The following XPO7 variants were observed in gnomAD, a reference collection of about 807,000 sequenced individuals.
XPO7 encodes exportin 7.
A neutral mutation model predicts 144.3 loss-of-function variants in XPO7; 21 were observed. The observed-to-expected ratio is 0.15, with a 90% CI of 0.10 to 0.21. The LOEUF (loss-of-function observed/expected upper bound fraction) is 0.21. XPO7 is among the 10% of genes least tolerant of loss of function. The pLI is 1.00. For missense variants in XPO7, 808 were observed against 1,325.8 expected (o/e 0.61, Z 6.06); for synonymous variants, 580 against 499.6 (o/e 1.16, Z -2.15).
chr8:21,981,772 A>T lies in XPO7; in HGVS notation c.999A>T (p.Leu333=), dbSNP rs747077128. The change falls in exon 10 of 28, where the codon CTA becomes CTT. Residue 333 remains leucine (L), a synonymous_variant. Transcript: ENST00000252512. Reference sequence around the variant, plus strand: ...ACAATTACCATGAGTTTTGCAGACTACTGGCCCGATTGAAGAGTAACTATC... The same window carrying T: ...ACAATTACCATGAGTTTTGCAGACTTCTGGCCCGATTGAAGAGTAACTATC... The part of the protein sequence containing the change: ...DPNNYHEFCR[L]LARLKSNYQL... 2.5e-6 allele frequency: 4 copies of T among 1,613,966 alleles called. No homozygotes were observed. Among genetic ancestry groups the T allele is most frequent in the Non-Finnish European group, 1.7e-6 (2 of 1,179,872 alleles).
At chr8:21,989,843 T>A (rs1585474196) in intron 16 of XPO7, among the ~76,000 whole-genome samples, 1 of 54,884 alleles carries the variant, frequency 1.8e-5, no homozygotes, top group Non-Finnish European at 3.2e-5. Flanking sequence ...TTTTTTTTTT[T>A]TTTTTTTTTT....
At chr8:21,977,559 T>C (rs1812266298) in intron 7 of XPO7, among the ~76,000 whole-genome samples, 1 of 152,142 alleles carries the variant, frequency 6.6e-6, no homozygotes, top group Non-Finnish European at 1.5e-5. Flanking sequence ...CACTCCAGCC[T>C]GGGCTACAGA....
rs1398516250 is a variant in XPO7, at chr8:21,999,682, C to G, written c.2782+8C>G. The G allele has an allele frequency of 6.2e-7, 1 of 1,613,912 alleles. No individual in the cohort carries two copies. Among genetic ancestry groups the G allele is most frequent in the South Asian group, 1.1e-5 (1 of 91,080 alleles). ...AAGGACTTACTGCACTTGGTAAGCA[C>G]CTGAGGTGGGTGGGTGAGTTGGTGG... On this transcript the variant is annotated splice_region_variant and intron_variant, in intron 24 of 27. Coordinates refer to ENST00000252512, the MANE Select transcript of XPO7 (RefSeq NM_015024.5).
At chr8:21,952,016 C>T (rs561948941) in intron 1 of XPO7, among the ~76,000 whole-genome samples, 25 of 152,238 alleles carry the variant, frequency 1.6e-4, no homozygotes, top group Non-Finnish European at 3.1e-4. Context: ...AAAAATGTGG[C>T]GTTAATGACC....
Position 21,970,316 on chromosome 8 carries a change from G to C in XPO7, c.426+6G>C. On this transcript the variant is annotated splice_donor_region_variant and intron_variant, in intron 4 of 27. Transcript: ENST00000252512. ...ACGTCACAAGGTTTTTACAGGTACA[G>C]TGTATATATTTGATGTAATGGGAAT... is the stretch of plus-strand genomic sequence containing the variant. 1 of 1,612,142 alleles carries C rather than the reference G, an allele frequency of 6.2e-7. No homozygotes were observed. Among genetic ancestry groups the C allele is most frequent in the Non-Finnish European group, 8.5e-7 (1 of 1,179,198 alleles).
intron 21 of XPO7, among the ~76,000 whole-genome samples, chr8:21,996,212 G>A (rs975164700): frequency 4.8e-4 from 73 of 152,272 alleles, no homozygotes; most frequent in Non-Finnish European, 3.1e-4. Context: ...TTGCGTGAAT[G>A]CAGTAGTTCT....
intron 15 of XPO7, 66 bp from the exon 16 acceptor site, chr8:21,988,937 C>A: frequency 6.8e-7 from 1 of 1,476,616 alleles, no homozygotes. Flanking sequence ...TCTTCTTCTC[C>A]CAGCCCTCAA....
intron 1 of XPO7, among the ~76,000 whole-genome samples, chr8:21,945,485 T>A (rs761034893): frequency 1.3e-5 from 2 of 152,202 alleles, no homozygotes; most frequent in Non-Finnish European, 2.9e-5. Context: ...AAAAACTACA[T>A]AGGTGTAAAA....
chr8:21,937,371 GTT>G (rs1810855287), intron 1 of XPO7, among the ~76,000 whole-genome samples: 1 of 152,132 alleles, frequency 6.6e-6, no homozygotes, highest in African/African-American at 2.4e-5. Context: ...TACGGTAATA[GTT>G]ACCAAGAAGA....
intron 20 of XPO7, among the ~76,000 whole-genome samples, 171 bp from the exon 21 acceptor site, chr8:21,995,321 C>G (rs943848703): frequency 5.9e-5 from 9 of 152,142 alleles, no homozygotes; most frequent in African/African-American, 2.2e-4. Flanking sequence ...TTAAAGAACA[C>G]AAAATCACTT....
chr8:21,970,725 A>G (rs183434584), intron 4 of XPO7, among the ~76,000 whole-genome samples: 20 of 152,350 alleles, frequency 1.3e-4, no homozygotes. Flanking sequence ...AAAGTTATAC[A>G]GCTTGCACTT....
intron 1 of XPO7, among the ~76,000 whole-genome samples, chr8:21,962,758 A>G (rs1292605385): frequency 1.3e-5 from 2 of 152,232 alleles, no homozygotes; most frequent in East Asian, 1.9e-4. Context: ...AATATACTCA[A>G]CATACTGTTT....
intron 1 of XPO7, among the ~76,000 whole-genome samples, chr8:21,951,382 T>TA (rs1811368728): frequency 6.6e-6 from 1 of 152,176 alleles, no homozygotes; most frequent in African/African-American, 2.4e-5. Context: ...CTGTTTTTTT[T>TA]ATAGTATTTA....
intron 8 of XPO7, among the ~76,000 whole-genome samples, chr8:21,979,062 TTGTG>T (rs1253115858): frequency 6.6e-6 from 1 of 152,040 alleles, no homozygotes; most frequent in African/African-American, 2.4e-5. Flanking sequence ...TAAAGCTGGG[TTGTG>T]TTTTTTTGTT....
intron 5 of XPO7, 41 bp from the exon 6 acceptor site, chr8:21,974,629 G>T: frequency 7.0e-7 from 1 of 1,432,056 alleles, no homozygotes; most frequent in Non-Finnish European, 9.4e-7. Flanking sequence ...TTCTTTTTTT[G>T]CAATTAATTC....
At position 21,999,112 on chromosome 8, in the gene XPO7, G is replaced by T; in HGVS notation, c.2450G>T (p.Gly817Val). 1 of 1,613,976 alleles carries T rather than the reference G, an allele frequency of 6.2e-7. No individual in the cohort carries two copies. Among genetic ancestry groups the T allele is most frequent in the Non-Finnish European group, 8.5e-7 (1 of 1,179,880 alleles). Residue 817 changes from glycine (G) to valine (V), a missense_variant, in exon 23 of 28, where the codon GGA becomes GTA. Physicochemically the swap from Gly to Val is moderately radical, Grantham distance 109. Around this residue, in one of 5 missense-constraint regions of XPO7, gnomAD observed 416 missense variants for 612.5 expected, o/e 0.68. Coordinates refer to ENST00000252512, the MANE Select transcript of XPO7 (RefSeq NM_015024.5). ...TCAGGCAATCGCATCCTGACACTAG[G>T]AGAGGTCCCAAAGGATCAGGTCTAT... is the stretch of plus-strand genomic sequence containing the variant. ...TMYGNRILTLGEVPKDQVYAL... is the reference protein window; with the variant it reads ...TMYGNRILTLVEVPKDQVYAL...
At chr8:21,942,005 A>G (rs901704651) in intron 1 of XPO7, among the ~76,000 whole-genome samples, 2 of 152,232 alleles carry the variant, frequency 1.3e-5, no homozygotes, top group Non-Finnish European at 2.9e-5. Flanking sequence ...TGATTCCTAT[A>G]AAAGTCGGTA....
chr8:21,995,388 A>G, intron 20 of XPO7, 104 bp from the exon 21 acceptor site: 1 of 869,318 alleles, frequency 1.2e-6, no homozygotes, highest in South Asian at 1.7e-5. Context: ...AGGAACTTAA[A>G]GAACTGTAGT....
intron 9 of XPO7, 50 bp from the exon 10 acceptor site, chr8:21,981,681 G>A: frequency 1.2e-5 from 19 of 1,602,386 alleles, no homozygotes; most frequent in Non-Finnish European, 1.5e-5. Flanking sequence ...CATTCTTGAA[G>A]TATGTTAAGG....
Sources: gnomAD v4.1 joint callset for allele counts (sites outside exome capture counted in the v4.1 genomes callset) on GRCh38, gnomAD v4.1.1 for gene constraint, gnomAD v4.1.1 regional missense constraint, MANE v1.5 for transcripts, NCBI Gene and HGNC (gene_info 2026-07-23, HGNC 2026-07-21) for gene names.